AHNAK: variants seen among roughly 807,000 people sequenced by gnomAD.
AHNAK encodes the protein neuroblast differentiation-associated protein AHNAK.
In AHNAK, 23 loss-of-function variants were observed where a neutral mutation model predicts 37.8. That is an observed-to-expected ratio of 0.61 (90% CI 0.44 to 0.86). AHNAK has a LOEUF of 0.86. AHNAK is among the 40% of genes least tolerant of loss of function. AHNAK has a pLI of 0.00. For missense variants in AHNAK, 7,411 were observed against 7,319.4 expected (o/e 1.01, Z -0.46); for synonymous variants, 2,481 against 2,636.3 (o/e 0.94, Z 1.80).
At chr11:62,538,856 C>A (rs17157379) in intron 1 of AHNAK, among the ~76,000 whole-genome samples, 513 of 152,294 alleles carry the variant, frequency 3.4e-3, no homozygotes, top group African/African-American at 0.012. Context: ...CTTGAAGGTG[C>A]TACAGGTGAC....
rs374742710 is a variant in AHNAK at position 62,536,109 on chromosome 11, G to C, written c.1-11C>G. 1.7e-5 allele frequency: 26 copies of C among 1,560,352 alleles called. No homozygotes were observed. The African/African-American group carries it at 3.1e-4, about 19-fold the overall frequency. ...CTCCTCCTTCTCCATCTGGAATGAG[G>C]TGAGGAAATGGAACTGGGGTCAGTG... On this transcript the variant is annotated splice_polypyrimidine_tract_variant and intron_variant, in intron 2 of 4. Transcript: ENST00000378024.
Position 62,527,388 on chromosome 11 carries a change from A to C in AHNAK, c.7029T>G (p.Gly2343=). ...SAPKLEGELK[G]PELDVKGPKL... ...TGGGACCTTTGACATCCAATTCTGG[A>C]CCTTTTAACTCTCCCTCCAGCTTTG... Residue 2343 remains glycine, a synonymous_variant, in exon 5 of 5, where the codon GGT becomes GGG. Transcript: ENST00000378024. 1.9e-6 allele frequency: 3 copies of C among 1,613,982 alleles called. No individual in the cohort carries two copies. The highest frequency in any genetic ancestry group is 2.5e-6 in the Non-Finnish European group (3 of 1,179,972).
chr11:62,488,337 T>C (rs895076792), intron 5 of AHNAK, among the ~76,000 whole-genome samples: 1 of 150,838 alleles, frequency 6.6e-6, no homozygotes, highest in Admixed American at 6.6e-5. Context: ...CAAAGAGCAA[T>C]AGAGAAATGG....
Position 62,509,292 on chromosome 11 carries a change from G to A in AHNAK, c.343-17461C>T, listed in dbSNP as rs559748374. 1.4e-4 allele frequency among the ~76,000 whole-genome samples: 21 copies of A among 152,280 alleles called. No individual in the cohort carries two copies. The South Asian group carries it at 3.9e-3, about 29-fold the overall frequency. Reference sequence around the variant, plus strand: ...ACAGATTAAAGAAATAAACAGCCGGGCACGGTGGCTCACGCCTGTAATTCC... The same window carrying A: ...ACAGATTAAAGAAATAAACAGCCGGACACGGTGGCTCACGCCTGTAATTCC... On this transcript the variant is annotated intron_variant, in intron 4 of 5. Transcript: ENST00000257247.
chr11:62,462,214 G>A (rs1392913278), intron 5 of AHNAK, among the ~76,000 whole-genome samples: 1 of 108,114 alleles, frequency 9.2e-6, no homozygotes, highest in African/African-American at 3.6e-5. Context: ...CCACCCCAAC[G>A]CCCACCCTCC....
intron 1 of AHNAK, among the ~76,000 whole-genome samples, chr11:62,542,638 G>C (rs553602120): frequency 6.6e-6 from 1 of 152,314 alleles, no homozygotes; most frequent in South Asian, 2.1e-4. Context: ...ACTTCCAGCA[G>C]CGAGGGAGAT....
rs146578515 is a variant in AHNAK at position 62,486,247 on chromosome 11, G to C, written c.442+5485C>G. On this transcript the variant is annotated intron_variant, in intron 5 of 5. Coordinates refer to the AHNAK transcript ENST00000257247. ...CCCAGCACTTTGGGAGGCCGAGGTGGGTGGATCACCTGCGGTCAGGAGTTC... is the reference window on the plus strand; with the variant it reads ...CCCAGCACTTTGGGAGGCCGAGGTGCGTGGATCACCTGCGGTCAGGAGTTC... Among the ~76,000 whole-genome samples the C allele has an allele frequency of 9.6e-3, 1,456 of 152,124 alleles. 22 individuals are homozygous for C. The highest frequency in any genetic ancestry group is 0.033 in the African/African-American group (1,375 of 41,478).
chr11:62,460,114 G>A (rs1453088234), intron 5 of AHNAK, among the ~76,000 whole-genome samples: 9 of 143,240 alleles, frequency 6.3e-5, no homozygotes, highest in Non-Finnish European at 7.6e-5. Flanking sequence ...GCAAAACTCC[G>A]TCTCAAAGAA....
At chr11:62,484,301 A>C (rs1345123032) in intron 5 of AHNAK, among the ~76,000 whole-genome samples, 1 of 152,036 alleles carries the variant, frequency 6.6e-6, no homozygotes. Context: ...CAGGAGGATC[A>C]CTTGAGCCCA....
At chr11:62,443,130 T>C (rs11826820) in intron 5 of AHNAK, among the ~76,000 whole-genome samples, 7,310 of 146,722 alleles carry the variant, frequency 0.05, 578 homozygotes, top group African/African-American at 0.17. Flanking sequence ...TGCCACCACT[T>C]CACTCCCGGC....
At chr11:62,462,563 T>C (rs1348976360) in intron 5 of AHNAK, among the ~76,000 whole-genome samples, 2 of 152,206 alleles carry the variant, frequency 1.3e-5, no homozygotes, top group East Asian at 1.9e-4. Context: ...ACAGGTTAGA[T>C]GAGCTTTGAA....
chr11:62,486,078 A>G (rs984412049), intron 5 of AHNAK, among the ~76,000 whole-genome samples: 1 of 152,056 alleles, frequency 6.6e-6, no homozygotes, highest in African/African-American at 2.4e-5. Flanking sequence ...AACACAAAAT[A>G]TAACATAGAT....
chr11:62,440,263 G>A (rs1302517557), intron 5 of AHNAK, among the ~76,000 whole-genome samples: 2 of 152,052 alleles, frequency 1.3e-5, no homozygotes, highest in Non-Finnish European at 2.9e-5. Context: ...TTACGATGAG[G>A]AAACGACACT....
intron 5 of AHNAK, among the ~76,000 whole-genome samples, chr11:62,447,670 T>G (rs554544146): frequency 7.1e-6 from 1 of 140,264 alleles, no homozygotes; most frequent in East Asian, 1.9e-4. Context: ...GGTTACTGCC[T>G]CCTCCCTCTG....
At chr11:62,500,637 C>A (rs1460550138) in intron 4 of AHNAK, among the ~76,000 whole-genome samples, 1 of 152,202 alleles carries the variant, frequency 6.6e-6, no homozygotes, top group Non-Finnish European at 1.5e-5. Context: ...GTTGATCATA[C>A]CAGAAATCGA....
chr11:62,540,920 C>T (rs1192156487), intron 1 of AHNAK, among the ~76,000 whole-genome samples: 6 of 152,220 alleles, frequency 3.9e-5, no homozygotes, highest in Admixed American at 6.5e-5. Flanking sequence ...CTGGGGACAA[C>T]GCCAAGTAGA....
At chr11:62,515,732 GAATC>G (rs1939998435), downstream of AHNAK, among the ~76,000 whole-genome samples, 1 of 152,192 alleles carries the variant, frequency 6.6e-6, no homozygotes, top group Non-Finnish European at 1.5e-5. Flanking sequence ...CTCACCATGA[GAATC>G]AAGAAGCAAA....
At chr11:62,444,673 G>T (rs572797601) in intron 5 of AHNAK, among the ~76,000 whole-genome samples, 1 of 152,212 alleles carries the variant, frequency 6.6e-6, no homozygotes, top group Non-Finnish European at 1.5e-5. Context: ...CACATCTGAC[G>T]CCCCTTTCCC....
intron 5 of AHNAK, among the ~76,000 whole-genome samples, chr11:62,476,587 A>C (rs1197659894): frequency 6.6e-6 from 1 of 152,186 alleles, no homozygotes; most frequent in Non-Finnish European, 1.5e-5. Flanking sequence ...AAGGTGAAAA[A>C]GCTTTATAAG....
Sources: allele counts gnomAD v4.1 joint callset (sites outside exome capture counted in the v4.1 genomes callset), GRCh38; gene constraint gnomAD v4.1.1; transcripts MANE v1.5; gene names NCBI Gene and HGNC (gene_info 2026-07-23, HGNC 2026-07-21).